CADM2: variants seen among roughly 807,000 people sequenced by gnomAD.
CADM2 encodes cell adhesion molecule 2, also known as immunoglobulin superfamily member 4D.
In CADM2, 12 loss-of-function variants were observed where a neutral mutation model predicts 49.8. The ratio of observed to expected loss-of-function variants is 0.24; its 90% CI spans 0.15 to 0.39. The LOEUF (loss-of-function observed/expected upper bound fraction) is 0.39, where lower values mean the gene tolerates loss of function less well. CADM2 is among the 10% of genes least tolerant of loss of function. The probability of loss-of-function intolerance (pLI) is 1.00; values close to 1 mark genes in which losing one functional copy is unlikely to be tolerated. For missense variants in CADM2, 378 were observed against 492.3 expected (o/e 0.77, Z 2.20); for synonymous variants, 214 against 175.4 (o/e 1.22, Z -1.74).
intron 8 of CADM2, among the ~76,000 whole-genome samples, chr3:86,041,149 G>C (rs1313397254): frequency 6.6e-6 from 1 of 152,124 alleles, no homozygotes; most frequent in African/African-American, 2.4e-5. Context: ...AAAGACCGTC[G>C]AGGCTAAGAA....
intron 1 of CADM2, among the ~76,000 whole-genome samples, chr3:85,646,432 G>C (rs1225814522): frequency 6.6e-6 from 1 of 151,932 alleles, no homozygotes; most frequent in African/African-American, 2.4e-5. Flanking sequence ...TTCTGACAGG[G>C]TGATTTTCTC....
intron 1 of CADM2, among the ~76,000 whole-genome samples, chr3:85,428,550 TA>T (rs200632233): frequency 0.012 from 1,691 of 145,552 alleles, 39 homozygotes; most frequent in African/African-American, 0.039. Flanking sequence ...AAATAAATAA[TA>T]TATATGATAT....
chr3:85,362,074 G>A (rs2032399588), intron 1 of CADM2, among the ~76,000 whole-genome samples: 2 of 152,330 alleles, frequency 1.3e-5, no homozygotes, highest in Non-Finnish European at 2.9e-5. Context: ...CTTTTCTAAA[G>A]CAATTAAGCC....
chr3:85,276,894 A>G (rs966639558), intron 1 of CADM2, among the ~76,000 whole-genome samples: 1 of 151,370 alleles, frequency 6.6e-6, no homozygotes, highest in African/African-American at 2.4e-5. Context: ...CAAGTTAAGG[A>G]AATATTCTAG....
chr3:85,331,372 G>A (rs886217369), intron 1 of CADM2, among the ~76,000 whole-genome samples: 1 of 151,724 alleles, frequency 6.6e-6, no homozygotes, highest in African/African-American at 2.4e-5. Context: ...ATGAGAACAT[G>A]TGATATTTGT....
chr3:85,589,366 AGTC>A (rs1296873217), intron 1 of CADM2, among the ~76,000 whole-genome samples: 1 of 152,002 alleles, frequency 6.6e-6, no homozygotes, highest in African/African-American at 2.4e-5. Context: ...TCCAGAGAGA[AGTC>A]GTGGTCCAAT....
At chr3:85,745,713 A>G (rs1281446180) in intron 2 of CADM2, among the ~76,000 whole-genome samples, 1 of 152,116 alleles carries the variant, frequency 6.6e-6, no homozygotes, top group African/African-American at 2.4e-5. Flanking sequence ...AAAAAATTAA[A>G]AATTATTCAG....
At chr3:84,964,909 A>AT (rs2030857187) in intron 1 of CADM2, among the ~76,000 whole-genome samples, 1 of 152,190 alleles carries the variant, frequency 6.6e-6, no homozygotes, top group African/African-American at 2.4e-5. Context: ...TAATTTTGAC[A>AT]TTTTGTAAGC....
In CADM2 at chr3:85,885,830, C is replaced by T. The variant is rs146923975; in HGVS notation, c.392-360C>T. Among the ~76,000 whole-genome samples, 430 of 123,582 alleles carry T rather than the reference C, an allele frequency of 3.5e-3. 1 individual carries two copies. The highest frequency in any genetic ancestry group is 0.012 in the African/African-American group (365 of 30,544). The allele number at this position is 123,582 out of a possible 152,430, so 81.1% of individuals were successfully genotyped here. A position where few individuals can be genotyped will look rare whatever the true frequency, so the allele number is the denominator to read the frequency against. ...TCGAGCCAGTCCACTCCATCCTGGGCGACAGAGCAAGATCCTGTCTCAAAA... is the reference window on the plus strand; with the variant it reads ...TCGAGCCAGTCCACTCCATCCTGGGTGACAGAGCAAGATCCTGTCTCAAAA... On this transcript the variant is annotated intron_variant, in intron 4 of 9. Transcript: ENST00000383699.
At chr3:85,010,275 G>A (rs77656783) in intron 1 of CADM2, among the ~76,000 whole-genome samples, 1,933 of 152,082 alleles carry the variant, frequency 0.013, 37 homozygotes, top group East Asian at 0.079. Flanking sequence ...TACAAAACAT[G>A]GAGATAGCAC....
intron 1 of CADM2, among the ~76,000 whole-genome samples, chr3:85,474,372 T>A (rs1315192767): frequency 6.6e-6 from 1 of 151,972 alleles, no homozygotes; most frequent in African/African-American, 2.4e-5. Context: ...TTCTTTGTTC[T>A]GTTGAGAACA....
chr3:85,385,180 C>T (rs1040523680), intron 1 of CADM2, among the ~76,000 whole-genome samples: 1 of 152,168 alleles, frequency 6.6e-6, no homozygotes, highest in African/African-American at 2.4e-5. Flanking sequence ...GGTGATCCAC[C>T]TGCCTCAGCC....
At chr3:85,201,242 TCA>T (rs2041492828) in intron 1 of CADM2, among the ~76,000 whole-genome samples, 1 of 152,140 alleles carries the variant, frequency 6.6e-6, no homozygotes, top group East Asian at 1.9e-4. Flanking sequence ...AAAGAATATA[TCA>T]CAAAAAAGCA....
At position 86,030,323 on chromosome 3, in the gene CADM2, T is replaced by C. The variant is rs570438583; in HGVS notation, c.971-35282T>C. The stretch of plus-strand genomic sequence containing the variant: ...TTATGTTATAAAGAAAGAAACAATG[T>C]CACTGTTGAAATCTCAGAAACACTA... On this transcript the variant is annotated intron_variant, in intron 8 of 9. Coordinates refer to ENST00000383699, the MANE Select transcript of CADM2 (RefSeq NM_001167675.2). 1.9e-4 allele frequency among the ~76,000 whole-genome samples: 29 copies of C among 152,106 alleles called. No homozygotes were observed. In the East Asian group the frequency reaches 5.4e-3, roughly 28 times the overall value.
intron 1 of CADM2, among the ~76,000 whole-genome samples, chr3:85,679,512 G>A (rs1394819768): frequency 3.9e-5 from 6 of 152,136 alleles, no homozygotes; most frequent in African/African-American, 9.7e-5. Context: ...CACTTTAAAC[G>A]ATATTGGGAC....
intron 1 of CADM2, among the ~76,000 whole-genome samples, chr3:85,394,041 C>T (rs1380991984): frequency 4.6e-5 from 7 of 152,080 alleles, no homozygotes; most frequent in African/African-American, 1.4e-4. Context: ...GTGATCCACC[C>T]GCCTCGGCCT....
chr3:86,057,892 GCTCT>G (rs1211858936), intron 8 of CADM2, among the ~76,000 whole-genome samples: 3 of 152,110 alleles, frequency 2.0e-5, no homozygotes, highest in African/African-American at 7.2e-5. Flanking sequence ...ACCTCAACCA[GCTCT>G]CGTTCCCAAA....
At chr3:85,178,896 C>T (rs1054809986) in intron 1 of CADM2, among the ~76,000 whole-genome samples, 2 of 151,682 alleles carry the variant, frequency 1.3e-5, no homozygotes, top group African/African-American at 4.8e-5. Context: ...AGTATAGCAC[C>T]TATTTTCTCC....
intron 1 of CADM2, among the ~76,000 whole-genome samples, chr3:84,990,625 T>C (rs920060267): frequency 2.0e-5 from 3 of 152,050 alleles, no homozygotes; most frequent in Non-Finnish European, 2.9e-5. Flanking sequence ...TTAAAATACA[T>C]TTTTATAATT....
Sources: allele counts gnomAD v4.1 joint callset (sites outside exome capture counted in the v4.1 genomes callset), GRCh38; gene constraint gnomAD v4.1.1; transcripts MANE v1.5; gene names NCBI Gene and HGNC (gene_info 2026-07-23, HGNC 2026-07-21).